RIMKLB: variants seen among roughly 807,000 people sequenced by gnomAD.
RIMKLB encodes ribosomal modification protein rimK like family member B.
RIMKLB carries 7 observed loss-of-function variants against 32.0 expected under a neutral mutation model. The ratio of observed to expected loss-of-function variants is 0.22; its 90% CI spans 0.12 to 0.41. RIMKLB has a LOEUF of 0.41. RIMKLB is among the 10% of genes least tolerant of loss of function. The pLI is 1.00. For missense variants in RIMKLB, 289 were observed against 498.7 expected (o/e 0.58, Z 4.00); for synonymous variants, 172 against 185.1 (o/e 0.93, Z 0.57).
chr12:8,684,159 TG>T (rs1474069980), intron 1 of RIMKLB, among the ~76,000 whole-genome samples: 7 of 152,020 alleles, frequency 4.6e-5, no homozygotes, highest in African/African-American at 1.7e-4. Context: ...ATTGCCATAC[TG>T]AAGGTCATCT....
At chr12:8,767,064 C>T (rs918125074) in intron 5 of RIMKLB, among the ~76,000 whole-genome samples, 3 of 152,232 alleles carry the variant, frequency 2.0e-5, no homozygotes, top group Non-Finnish European at 2.9e-5. Flanking sequence ...TCAGTGTTTT[C>T]GGGCTACGCC....
At chr12:8,761,038 G>C (rs1377659875) in intron 5 of RIMKLB, among the ~76,000 whole-genome samples, 4 of 152,042 alleles carry the variant, frequency 2.6e-5, no homozygotes, top group Admixed American at 2.0e-4. Context: ...GGATTATGTT[G>C]ATATATTTTA....
the RIMKLB span, among the ~76,000 whole-genome samples, chr12:8,676,070 G>C: frequency 6.6e-6 from 1 of 151,974 alleles, no homozygotes; most frequent in African/African-American, 2.4e-5. Flanking sequence ...GTTTTGGGGG[G>C]TTCCAACAGC....
At chr12:8,695,193 C>G (rs761721703), upstream of RIMKLB, among the ~76,000 whole-genome samples, 2 of 126,050 alleles carry the variant, frequency 1.6e-5, no homozygotes, top group Admixed American at 1.6e-4. Flanking sequence ...ACCGCCCCGC[C>G]CCCCCGCCCC....
In RIMKLB at chr12:8,684,180, CTT is replaced by C. The variant is rs111930204; in HGVS notation, n.219+2373_219+2374del. 3.4e-5 allele frequency among the ~76,000 whole-genome samples: 5 copies of C among 146,216 alleles called. No homozygotes were observed. The East Asian group carries it at 8.0e-4, about 23-fold the overall frequency. The stretch of plus-strand genomic sequence containing the variant: ...ATACTGAAGGTCATCTAAATTTTCT[CTT>C]TTTTTTTTTTAGATGGAGTCTCGCT... On this transcript the variant is annotated intron_variant and non_coding_transcript_variant, in intron 1 of 1. Coordinates refer to the RIMKLB transcript ENST00000538758.
At chr12:8,700,523 G>A (rs1195097552) in intron 1 of RIMKLB, 1 of 152,278 alleles carries the variant, frequency 6.6e-6, no homozygotes, top group Non-Finnish European at 1.5e-5. Flanking sequence ...AGCAGGCATA[G>A]AGACATAAAC....
intron 5 of RIMKLB, among the ~76,000 whole-genome samples, chr12:8,761,189 C>T (rs1949487479): frequency 7.5e-6 from 1 of 133,086 alleles, no homozygotes; most frequent in Non-Finnish European, 1.6e-5. Context: ...ACAAAAAATA[C>T]AAAAATTAGC....
downstream of RIMKLB, among the ~76,000 whole-genome samples, chr12:8,780,997 T>G (rs774347847): frequency 2.6e-5 from 4 of 152,240 alleles, no homozygotes; most frequent in Non-Finnish European, 5.9e-5. Context: ...ATCTGAATGT[T>G]TTTAATTTGC....
At chr12:8,742,776 C>G in intron 2 of RIMKLB, 1 of 223,780 alleles carries the variant, frequency 4.5e-6, no homozygotes. Flanking sequence ...GTCCAGGCAG[C>G]TTTCCAGGAG....
chr12:8,774,294 G>A lies in RIMKLB; in HGVS notation c.*510G>A, dbSNP rs1950602720. ...CTAGCAGCTTTAGTTTGTAGTTTAT[G>A]AAATCTTGAGGGGCTCTTTTACTGG... On this transcript the variant is annotated 3_prime_UTR_variant, in exon 6 of 6. Transcript: ENST00000535829. 1.2e-5 allele frequency: 12 copies of A among 984,872 alleles called. No homozygotes were observed. The highest frequency in any genetic ancestry group is 1.4e-5 in the Non-Finnish European group (12 of 829,456). 61.0% of individuals were successfully genotyped at this position (984,872 alleles called of 1,614,324 possible).
chr12:8,741,377 TAAA>T (rs1178894866), intron 2 of RIMKLB, among the ~76,000 whole-genome samples: 2 of 129,074 alleles, frequency 1.5e-5, no homozygotes, highest in South Asian at 2.5e-4. Flanking sequence ...GACTCCACCT[TAAA>T]AAAAAAAAGG....
chr12:8,724,391 G>T (rs1945777967), intron 2 of RIMKLB, among the ~76,000 whole-genome samples: 1 of 151,846 alleles, frequency 6.6e-6, no homozygotes, highest in Non-Finnish European at 1.5e-5. Context: ...CATTTCTTTA[G>T]GATCATTTAC....
At chr12:8,722,372 A>AATATTTT (rs1468648643) in intron 2 of RIMKLB, among the ~76,000 whole-genome samples, 1 of 152,092 alleles carries the variant, frequency 6.6e-6, no homozygotes, top group Admixed American at 6.6e-5. Flanking sequence ...TTTTGAAAGG[A>AATATTTT]ATATTTTTTT....
At chr12:8,766,937 G>A (rs1017637210) in intron 5 of RIMKLB, among the ~76,000 whole-genome samples, 23 of 152,220 alleles carry the variant, frequency 1.5e-4, no homozygotes, top group African/African-American at 5.5e-4. Flanking sequence ...TTCCTCTAAA[G>A]ATTATTTTTC....
chr12:8,710,842 G>C (rs1002433102), intron 1 of RIMKLB, among the ~76,000 whole-genome samples: 1 of 151,764 alleles, frequency 6.6e-6, no homozygotes, highest in Admixed American at 6.6e-5. Flanking sequence ...ATTAATCATT[G>C]ATTGGCAAGG....
At chr12:8,719,999 G>A (rs1159592262) in intron 2 of RIMKLB, among the ~76,000 whole-genome samples, 1 of 152,128 alleles carries the variant, frequency 6.6e-6, no homozygotes, top group Non-Finnish European at 1.5e-5. Context: ...GGGTTACTTG[G>A]GAGTGAGTGT....
chr12:8,734,103 T>C (rs1350368236), intron 2 of RIMKLB, among the ~76,000 whole-genome samples: 1 of 152,188 alleles, frequency 6.6e-6, no homozygotes, highest in African/African-American at 2.4e-5. Flanking sequence ...AATTATCTGG[T>C]AAGGCAAAGG....
chr12:8,728,898 G>A (rs1946287778), intron 2 of RIMKLB, among the ~76,000 whole-genome samples: 1 of 152,078 alleles, frequency 6.6e-6, no homozygotes, highest in African/African-American at 2.4e-5. Flanking sequence ...CTGAAGCAGA[G>A]TATCTCCCTG....
chr12:8,717,577 A>G (rs1024366728), intron 2 of RIMKLB, among the ~76,000 whole-genome samples: 2 of 152,220 alleles, frequency 1.3e-5, no homozygotes, highest in Admixed American at 6.5e-5. Flanking sequence ...TGAAGAAATC[A>G]TGGAGTCAAC....
Sources: gnomAD v4.1 joint callset for allele counts (sites outside exome capture counted in the v4.1 genomes callset) on GRCh38, gnomAD v4.1.1 for gene constraint, MANE v1.5 for transcripts, NCBI Gene and HGNC (gene_info 2026-07-23, HGNC 2026-07-21) for gene names.